Variants in CRTC3 observed in about 807,000 individuals in gnomAD.
CRTC3 encodes CREB regulated transcription coactivator 3.
In CRTC3, 26 loss-of-function variants were observed where a neutral mutation model predicts 74.5. The observed-to-expected ratio is 0.35, with a 90% confidence interval of 0.26 to 0.48. The LOEUF is 0.48. Ranked by LOEUF, CRTC3 falls within the 20% of genes least tolerant of loss-of-function variation. The pLI, the probability that CRTC3 is intolerant of heterozygous loss-of-function variation, is 0.99. For missense variants in CRTC3, 760 were observed against 787.3 expected (o/e 0.97, Z 0.41); for synonymous variants, 377 against 325.8 (o/e 1.16, Z -1.69).
At chr15:90,631,233 G>GAAAA (rs1969027887) in intron 11 of CRTC3, among the ~76,000 whole-genome samples, 1 of 151,982 alleles carries the variant, frequency 6.6e-6, no homozygotes, top group African/African-American at 2.4e-5. Context: ...GATCTCTTTT[G>GAAAA]GGCGAGGGTG....
At position 90,530,058 on chromosome 15, in the gene CRTC3, G is replaced by A; in HGVS notation, c.-14G>A. On this transcript the variant is annotated 5_prime_UTR_variant, in exon 1 of 15. Coordinates refer to ENST00000268184, the MANE Select transcript of CRTC3 (RefSeq NM_022769.5). The surrounding 1 kb of genome is among the most constrained non-coding windows in gnomAD (Gnocchi z 6.2). ...GCCGCCGTCTCCCGCTTCTGCCCGC[G>A]CAGAGTCCGCGCCATGGCCGCCTCG... 1 of 1,412,344 alleles carries A rather than the reference G, an allele frequency of 7.1e-7. No individual in the cohort carries two copies. The highest frequency in any genetic ancestry group is 9.4e-7 in the Non-Finnish European group (1 of 1,066,828). The allele number at this position is 1,412,344 out of a possible 1,614,324, so 87.5% of individuals were successfully genotyped here.
At chr15:90,544,544 CAGTT>C (rs1399416821) in intron 2 of CRTC3, among the ~76,000 whole-genome samples, 9 of 152,164 alleles carry the variant, frequency 5.9e-5, no homozygotes, top group Non-Finnish European at 8.8e-5. Flanking sequence ...ATGCATTCAT[CAGTT>C]AGTTGATGGG....
intron 2 of CRTC3, among the ~76,000 whole-genome samples, chr15:90,552,476 G>C (rs28550588): frequency 0.023 from 3,571 of 152,242 alleles, 146 homozygotes; most frequent in African/African-American, 0.08. Flanking sequence ...CATTATTCCT[G>C]ATCACCCCTC....
At chr15:90,618,481 C>T (rs1968553668) in intron 8 of CRTC3, among the ~76,000 whole-genome samples, 1 of 152,218 alleles carries the variant, frequency 6.6e-6, no homozygotes, top group Non-Finnish European at 1.5e-5. Flanking sequence ...ATTGTGCTAG[C>T]TGACCTCCAC....
chr15:90,551,814 G>C (rs11858572), intron 2 of CRTC3, among the ~76,000 whole-genome samples: 127 of 5,294 alleles, frequency 0.024, 1 homozygote, highest in African/African-American at 0.095. Context: ...TTTCAAAAAA[G>C]GATGCCCCCA....
intron 2 of CRTC3, among the ~76,000 whole-genome samples, chr15:90,576,344 A>G (rs1412212906): frequency 6.6e-6 from 1 of 152,172 alleles, no homozygotes; most frequent in Non-Finnish European, 1.5e-5. Context: ...GGAAGCACTC[A>G]AGGATGACCC....
At chr15:90,556,354 G>A (rs1966890624) in intron 2 of CRTC3, among the ~76,000 whole-genome samples, 1 of 152,156 alleles carries the variant, frequency 6.6e-6, no homozygotes, top group Non-Finnish European at 1.5e-5. Flanking sequence ...GTTGTTAATA[G>A]ATGTGGTTTC....
chr15:90,634,015 ATTTATC>A lies in CRTC3; in HGVS notation c.1267-4425_1267-4420del, dbSNP rs1296938449. On this transcript the variant is annotated intron_variant, in intron 11 of 14. Coordinates refer to ENST00000268184, the MANE Select transcript of CRTC3 (RefSeq NM_022769.5). ...GTTTTTAGTGGTCTTTTTTTTTCGAATTTATCTTTATTTTCTATAATAGAATTTTCC... is the reference window on the plus strand; with the variant it reads ...GTTTTTAGTGGTCTTTTTTTTTCGAATTTATTTTCTATAATAGAATTTTCC... 3.3e-5 allele frequency among the ~76,000 whole-genome samples: 5 copies of A among 150,730 alleles called. No homozygotes were observed. In the East Asian group the frequency reaches 5.8e-4, roughly 18 times the overall value.
intron 2 of CRTC3, among the ~76,000 whole-genome samples, chr15:90,565,036 G>A (rs1967093345): frequency 6.6e-6 from 1 of 152,136 alleles, no homozygotes; most frequent in African/African-American, 2.4e-5. Context: ...TCTGCCTCCC[G>A]GGTTCAAGCG....
At position 90,643,914 on chromosome 15, in the gene CRTC3, C is replaced by T. The variant is rs1235325944; in HGVS notation, c.*1774C>T. On this transcript the variant is annotated 3_prime_UTR_variant, in exon 15 of 15. Coordinates refer to ENST00000268184, the MANE Select transcript of CRTC3 (RefSeq NM_022769.5). ...GTACAATGAGGGTCTGAATCTGGCA[C>T]ACCTGTCCCTTATGTAAAAGGAGTC... 1 of 232,696 alleles carries T rather than the reference C, an allele frequency of 4.3e-6. No individual in the cohort carries two copies. The highest frequency in any genetic ancestry group is 2.2e-5 in the African/African-American group (1 of 45,292). 14.4% of individuals were successfully genotyped at this position (232,696 alleles called of 1,614,324 possible).
At chr15:90,584,928 A>G (rs1002998604) in intron 2 of CRTC3, among the ~76,000 whole-genome samples, 2 of 152,180 alleles carry the variant, frequency 1.3e-5, no homozygotes, top group African/African-American at 4.8e-5. Context: ...ATTATCGTCA[A>G]TGAATAGCTT....
chr15:90,609,168 A>G (rs996431673), intron 6 of CRTC3, among the ~76,000 whole-genome samples: 6 of 152,220 alleles, frequency 3.9e-5, no homozygotes, highest in Admixed American at 3.9e-4. Flanking sequence ...AGAAGACTAC[A>G]TTTGCTTAAA....
At chr15:90,633,995 T>C (rs1182825380) in intron 11 of CRTC3, among the ~76,000 whole-genome samples, 5 of 152,140 alleles carry the variant, frequency 3.3e-5, no homozygotes, top group African/African-American at 1.2e-4. Flanking sequence ...CTCAGGTTTT[T>C]AGTGGTCTTT....
chr15:90,643,295 C>G lies in CRTC3; in HGVS notation c.*1155C>G. On this transcript the variant is annotated 3_prime_UTR_variant, in exon 15 of 15. Transcript: ENST00000268184. ...CCTTCCCTGCCAGATCTTCTCAGAGCTTTAGCTTTTCTAGCACTCGTGCCT... is the reference window on the plus strand; with the variant it reads ...CCTTCCCTGCCAGATCTTCTCAGAGGTTTAGCTTTTCTAGCACTCGTGCCT... The G allele has an allele frequency of 4.3e-6, 1 of 231,948 alleles. No homozygotes were observed. The highest frequency in any genetic ancestry group is 8.5e-6 in the Non-Finnish European group (1 of 117,252). 14.4% of individuals were successfully genotyped at this position (231,948 alleles called of 1,614,324 possible). A position where few individuals can be genotyped will look rare whatever the true frequency, so the allele number is the denominator to read the frequency against.
intron 2 of CRTC3, among the ~76,000 whole-genome samples, chr15:90,543,390 G>A (rs547813209): frequency 2.6e-5 from 4 of 151,276 alleles, no homozygotes; most frequent in African/African-American, 7.3e-5. Context: ...AATATTTTGC[G>A]AGGAGATACT....
chr15:90,622,588 T>C (rs1404039833), intron 9 of CRTC3, among the ~76,000 whole-genome samples: 2 of 152,214 alleles, frequency 1.3e-5, no homozygotes, highest in East Asian at 1.9e-4. Flanking sequence ...CAGTGGCTCA[T>C]GCCTGTAATC....
chr15:90,594,007 C>T (rs1596108446), intron 3 of CRTC3: 1 of 326,042 alleles, frequency 3.1e-6, no homozygotes, highest in East Asian at 5.0e-5. Context: ...ACCTGTAATT[C>T]GGTCCCATTG....
chr15:90,642,010 C>T lies in CRTC3; in HGVS notation c.1730C>T (p.Thr577Ile), dbSNP rs1406706190. The T allele has an allele frequency of 6.2e-7, 1 of 1,613,830 alleles. No individual in the cohort carries two copies. Among genetic ancestry groups the T allele is most frequent in the African/African-American group, 1.3e-5 (1 of 74,936 alleles). The change falls in exon 15 of 15, where the codon ACT becomes ATT. Residue 577 changes from threonine to isoleucine, a missense_variant. Thr to Ile is a moderately conservative substitution (Grantham distance 89, BLOSUM62 -1). Around this residue, in one of 2 missense-constraint regions of CRTC3, gnomAD observed 652 missense variants for 635.2 expected, o/e 1.03. Transcript: ENST00000268184. ...GLPEVSLNVD[T>I]PFPLEEELQI... ...CCTGAGGTCAGCCTGAACGTGGACA[C>T]TCCATTTCCACTGGAAGAGGAGCTG... is the stretch of plus-strand genomic sequence containing the variant.
intron 3 of CRTC3, chr15:90,598,836 C>T (rs1596112369): frequency 3.4e-6 from 1 of 290,850 alleles, no homozygotes; most frequent in South Asian, 4.1e-5. Flanking sequence ...TTGGCCAAGG[C>T]GAGCATGGAG....
Sources: gnomAD v4.1 joint callset for allele counts (sites outside exome capture counted in the v4.1 genomes callset) on GRCh38, gnomAD v4.1.1 for gene constraint, gnomAD v4.1.1 regional missense constraint, Gnocchi (gnomAD v3.1) non-coding constraint, MANE v1.5 for transcripts, NCBI Gene and HGNC (gene_info 2026-07-23, HGNC 2026-07-21) for gene names.